ABHD18: variants seen among roughly 807,000 people sequenced by gnomAD.
ABHD18 encodes the protein abhydrolase domain containing 18, also known as cardiolipin-specific deacylase, mitochondrial.
In ABHD18, 55 loss-of-function variants were observed where a neutral mutation model predicts 65.9. The ratio of observed to expected loss-of-function variants is 0.84; its 90% confidence interval spans 0.67 to 1.05. The LOEUF (loss-of-function observed/expected upper bound fraction) is 1.05, where lower values mean the gene tolerates loss of function less well. ABHD18 is among the 50% of genes least tolerant of loss of function. The probability of loss-of-function intolerance (pLI) is 0.00; values close to 1 mark genes in which losing one functional copy is unlikely to be tolerated. For synonymous variants in ABHD18, 181 were observed against 180.2 expected (o/e 1.00, Z -0.04); for missense variants, 533 against 558.5 (o/e 0.95, Z 0.46).
At chr4:128,021,017 G>C (rs1560916997) in intron 9 of ABHD18, 120 bp from the exon 10 acceptor site, 1 of 596,664 alleles carries the variant, frequency 1.7e-6, no homozygotes, top group Non-Finnish European at 2.9e-6. Context: ...CTGGGCAACA[G>C]AGTGAGACTT....
chr4:128,004,869 CA>C (rs910625175), intron 4 of ABHD18, among the ~76,000 whole-genome samples: 1 of 151,620 alleles, frequency 6.6e-6, no homozygotes, highest in African/African-American at 2.4e-5. Flanking sequence ...GAGATTGCGC[CA>C]TTGCACTCCA....
intron 6 of ABHD18, chr4:128,009,454 A>G: frequency 3.9e-6 from 1 of 255,046 alleles, no homozygotes. Context: ...TTTTAATATT[A>G]GTAAGTCAAA....
chr4:127,994,927 T>C (rs759554915), intron 4 of ABHD18, among the ~76,000 whole-genome samples: 13 of 152,188 alleles, frequency 8.5e-5, no homozygotes, highest in Non-Finnish European at 1.6e-4. Context: ...TTGCCCAGGC[T>C]GGAGTGCAGT....
intron 1 of ABHD18, among the ~76,000 whole-genome samples, chr4:127,969,593 G>C (rs765785527): frequency 9.2e-5 from 14 of 152,032 alleles, no homozygotes; most frequent in Non-Finnish European, 1.8e-4. Flanking sequence ...ATTGTTCTTA[G>C]GTCCTTTCTT....
intron 4 of ABHD18, among the ~76,000 whole-genome samples, chr4:128,006,074 A>C (rs1388797753): frequency 5.3e-5 from 8 of 152,202 alleles, no homozygotes; most frequent in Admixed American, 1.3e-4. Context: ...GTGGCAGAGG[A>C]GTCACATGGC....
chr4:127,999,701 G>A (rs78101001), intron 4 of ABHD18, among the ~76,000 whole-genome samples: 18 of 152,156 alleles, frequency 1.2e-4, no homozygotes, highest in African/African-American at 4.1e-4. Flanking sequence ...TTTATTGAAC[G>A]CAAGTTTGTG....
At chr4:127,971,482 CTTTTTTTTTTTTT>C (rs1156788634) in intron 1 of ABHD18, among the ~76,000 whole-genome samples, 610 of 51,958 alleles carry the variant, frequency 0.012, 12 homozygotes, top group African/African-American at 0.036. Context: ...CCAGAGTTGG[CTTTTTTTTTTTTT>C]TTTTTTTTTT....
chr4:128,014,425 T>C (rs561790757), intron 7 of ABHD18, among the ~76,000 whole-genome samples: 36 of 152,330 alleles, frequency 2.4e-4, no homozygotes, highest in African/African-American at 7.5e-4. Flanking sequence ...AGACTGACTT[T>C]GGAGTCATAC....
At chr4:128,004,173 C>T (rs559391155) in intron 4 of ABHD18, among the ~76,000 whole-genome samples, 4 of 152,022 alleles carry the variant, frequency 2.6e-5, no homozygotes, top group East Asian at 1.9e-4. Flanking sequence ...GAGGCTCAGC[C>T]GGGCACAGTG....
intron 3 of ABHD18, among the ~76,000 whole-genome samples, chr4:127,986,842 T>C (rs1750053054): frequency 6.6e-6 from 1 of 152,208 alleles, no homozygotes; most frequent in South Asian, 2.1e-4. Flanking sequence ...TATACCTTCT[T>C]TGGAGAACTG....
intron 7 of ABHD18, among the ~76,000 whole-genome samples, chr4:128,014,013 C>T (rs1423804339): frequency 2.0e-5 from 2 of 99,464 alleles, no homozygotes; most frequent in African/African-American, 8.2e-5. Flanking sequence ...GATGGAGTTT[C>T]GCTCTTGTTG....
intron 10 of ABHD18, among the ~76,000 whole-genome samples, chr4:128,023,059 G>A (rs529510245): frequency 3.9e-5 from 6 of 152,038 alleles, no homozygotes; most frequent in South Asian, 2.1e-4. Context: ...ATGAGCCACC[G>A]CGCCCAGCAA....
intron 4 of ABHD18, among the ~76,000 whole-genome samples, chr4:128,003,315 C>A (rs1412295488): frequency 1.3e-5 from 2 of 151,486 alleles, no homozygotes; most frequent in African/African-American, 4.9e-5. Flanking sequence ...TTGCAGTGAG[C>A]CGAGATCGCG....
intron 1 of ABHD18, among the ~76,000 whole-genome samples, chr4:127,969,149 G>C (rs1289230690): frequency 6.6e-6 from 1 of 151,704 alleles, no homozygotes; most frequent in Non-Finnish European, 1.5e-5. Context: ...GACTTTTGTG[G>C]CCTGTTATGC....
At chr4:127,975,325 C>A (rs1441925287) in intron 1 of ABHD18, among the ~76,000 whole-genome samples, 1 of 152,144 alleles carries the variant, frequency 6.6e-6, no homozygotes, top group Non-Finnish European at 1.5e-5. Context: ...CCCCCCAGTA[C>A]TGGGCAACCA....
At chr4:127,995,105 C>G (rs1751528387) in intron 4 of ABHD18, among the ~76,000 whole-genome samples, 1 of 152,196 alleles carries the variant, frequency 6.6e-6, no homozygotes, top group Admixed American at 6.5e-5. Flanking sequence ...GTGTCAAACT[C>G]CTAACCTCAA....
chr4:127,992,932 C>A (rs1553962384), intron 4 of ABHD18, among the ~76,000 whole-genome samples: 2 of 151,600 alleles, frequency 1.3e-5, no homozygotes, highest in South Asian at 2.1e-4. Flanking sequence ...CTGTCTCTAC[C>A]AAAAAAATAG....
In ABHD18 at chr4:127,967,788, A is replaced by AT. The variant is rs200465095; in HGVS notation, c.-18+2191dup. On this transcript the variant is annotated intron_variant, in intron 1 of 12. Transcript: ENST00000645843. ...ACATTTAAACATATATATATATGTA[A>AT]TTTTTTTTTATAAAGCCCATGGAAA... 6.6e-3 allele frequency among the ~76,000 whole-genome samples: 996 copies of AT among 151,464 alleles called. 9 individuals are homozygous for AT. Among genetic ancestry groups the AT allele is most frequent in the African/African-American group, 0.021 (874 of 41,352 alleles).
At chr4:127,983,272 T>A (rs148201878) in intron 2 of ABHD18, among the ~76,000 whole-genome samples, 72 of 152,348 alleles carry the variant, frequency 4.7e-4, no homozygotes, top group African/African-American at 1.7e-3. Flanking sequence ...TCAGATTTTT[T>A]AAATACAGAA....
Sources: gnomAD v4.1 joint callset for allele counts (sites outside exome capture counted in the v4.1 genomes callset) on GRCh38, gnomAD v4.1.1 for gene constraint, MANE v1.5 for transcripts, NCBI Gene and HGNC (gene_info 2026-07-23, HGNC 2026-07-21) for gene names.